SCARF2: variants seen among roughly 807,000 people sequenced by gnomAD.
The protein encoded by SCARF2 is scavenger receptor class F member 2, also known as scavenger receptor expressed by endothelial cells 2 protein.
SCARF2 carries 39 observed loss-of-function variants against 73.4 expected under a neutral mutation model. That is an observed-to-expected ratio of 0.53 (90% CI 0.41 to 0.69). The LOEUF is 0.69. SCARF2 is among the 30% of genes least tolerant of loss of function. The probability of loss-of-function intolerance (pLI) is 0.00; values close to 1 mark genes in which losing one functional copy is unlikely to be tolerated. For synonymous variants in SCARF2, 605 were observed against 590.0 expected, an observed-to-expected ratio of 1.03 and a Z score of -0.37; for missense variants, 1,148 against 1,303.5, an observed-to-expected ratio of 0.88 and a Z score of 1.84.
At position 20,429,406 on chromosome 22, in the gene SCARF2, G is replaced by A. The variant is rs1246227170; in HGVS notation, c.1425-66C>T. The A allele has an allele frequency of 6.4e-7, 1 of 1,556,258 alleles. No homozygotes were observed. The highest frequency in any genetic ancestry group is 1.2e-5 in the South Asian group (1 of 85,854). On this transcript the variant is annotated intron_variant, in intron 8 of 10. Coordinates refer to ENST00000622235, the MANE Select transcript of SCARF2 (RefSeq NM_182895.5). This position sits in a 1 kb window ranked among gnomAD's most constrained non-coding sequence, Gnocchi z 5.2. ...GGGGCCCAGGGGCGATTAGATCTCGGCCGGAGCCAAGCACAGAAGGGGCGG... is the reference window on the plus strand; with the variant it reads ...GGGGCCCAGGGGCGATTAGATCTCGACCGGAGCCAAGCACAGAAGGGGCGG...
chr22:20,431,663 C>T lies in SCARF2; in HGVS notation c.334+82G>A, dbSNP rs1601301720. 2.6e-6 allele frequency: 4 copies of T among 1,532,892 alleles called. No homozygotes were observed. In the East Asian group the frequency reaches 9.8e-5, roughly 38 times the overall value. 95.0% of individuals were successfully genotyped at this position (1,532,892 alleles called of 1,614,324 possible). ...TGGGGACCCGCCCCGAAGGCGGATCCGACCCCGCCCCACCTTGGACCCCGC... is the reference window on the plus strand; with the variant it reads ...TGGGGACCCGCCCCGAAGGCGGATCTGACCCCGCCCCACCTTGGACCCCGC... On this transcript the variant is annotated intron_variant, in intron 3 of 10. Transcript: ENST00000622235.
Position 20,425,455 on chromosome 22 carries a change from T to A in SCARF2, c.2521A>T (p.Thr841Ser). The A allele has an allele frequency of 7.1e-7, 1 of 1,414,052 alleles. No individual in the cohort carries two copies. The highest frequency in any genetic ancestry group is 2.5e-5 in the Admixed American group (1 of 39,230). The allele number at this position is 1,414,052 out of a possible 1,614,324, so 87.6% of individuals were successfully genotyped here. A position where few individuals can be genotyped will look rare whatever the true frequency, so the allele number is the denominator to read the frequency against. Residue 841 changes from threonine to serine, a missense_variant, in exon 11 of 11, where the codon ACC (threonine) becomes TCC (serine). Coordinates refer to ENST00000622235, the MANE Select transcript of SCARF2 (RefSeq NM_182895.5). This position sits in a 1 kb window ranked among gnomAD's most constrained non-coding sequence, Gnocchi z 4.6. ...LPAPETPRKK[T>S]PIQKPPRKKS... Reference sequence around the variant, plus strand: ...TTGCGCGGCGGCTTCTGGATGGGGGTCTTCTTCCGGGGGGTCTCAGGCGCG... The same window carrying A: ...TTGCGCGGCGGCTTCTGGATGGGGGACTTCTTCCGGGGGGTCTCAGGCGCG...
At position 20,426,949 on chromosome 22, in the gene SCARF2, G is replaced by T. The variant is rs531751662; in HGVS notation, c.1693+449C>A. Among the ~76,000 whole-genome samples, 6 of 151,282 alleles carry T rather than the reference G, an allele frequency of 4.0e-5. No homozygotes were observed. In the South Asian group the frequency reaches 1.3e-3, roughly 32 times the overall value. On this transcript the variant is annotated intron_variant, in intron 10 of 10. Transcript: ENST00000622235. ...CTCAAAAAAAAAAAAAGAGCGATAAGGCTTCTGAGGCTCTGAGTTGGTCAC... is the reference window on the plus strand; with the variant it reads ...CTCAAAAAAAAAAAAAGAGCGATAATGCTTCTGAGGCTCTGAGTTGGTCAC...
rs35216297 is a variant in SCARF2, at chr22:20,429,815, C to T, written c.1221G>A (p.Pro407=). 3 of 1,612,958 alleles carry T rather than the reference C, an allele frequency of 1.9e-6. No homozygotes were observed. Among genetic ancestry groups the T allele is most frequent in the South Asian group, 1.1e-5 (1 of 91,064 alleles). The change falls in exon 7 of 11, where the codon CCG becomes CCA. Residue 407 remains proline, a synonymous_variant. Transcript: ENST00000622235. This position sits in a 1 kb window ranked among gnomAD's most constrained non-coding sequence, Gnocchi z 5.2. ...CACAGTCCGCGCCGTGGAGTCCGGG[C>T]GGGCACGTCACGTTACAGCTGCCGG... ...VHGPHCNVTC[P]PGLHGADCAQ...
chr22:20,425,897 G>A lies in SCARF2; in HGVS notation c.2079C>T (p.Ser693=). 1 of 1,598,436 alleles carries A rather than the reference G, an allele frequency of 6.3e-7. No homozygotes were observed. Among genetic ancestry groups the A allele is most frequent in the African/African-American group, 1.4e-5 (1 of 73,144 alleles). Reference sequence around the variant, plus strand: ...TGGGCGTCCGTTTCCTCTTGCTGGGGCTGGGCGCGGCCTCGGAGCCTGGCG... The same window carrying A: ...TGGGCGTCCGTTTCCTCTTGCTGGGACTGGGCGCGGCCTCGGAGCCTGGCG... ...PPPPGSEAAP[S]PSKRKRTPSD... Residue 693 remains serine, a synonymous_variant, in exon 11 of 11, where the codon AGC becomes AGT. Coordinates refer to ENST00000622235, the MANE Select transcript of SCARF2 (RefSeq NM_182895.5). This position sits in a 1 kb window ranked among gnomAD's most constrained non-coding sequence, Gnocchi z 4.6.
chr22:20,425,598 G>C lies in SCARF2; in HGVS notation c.2378C>G (p.Pro793Arg). The change falls in exon 11 of 11, where the codon CCC (proline) becomes CGC (arginine). Residue 793 changes from proline to arginine, a missense_variant. Physicochemically the swap from Pro to Arg is moderately radical, Grantham distance 103. Transcript: ENST00000622235. The surrounding 1 kb of genome is among the most constrained non-coding windows in gnomAD (Gnocchi z 4.6). ...CTGTGGGGGCGCCGGCTTTTCCCTG[G>C]GGCCCTGCGCGCCCAGGGCCACCTC... ...RAEVALGAQG[P>R]REKPAPPQKA... is the part of the protein sequence containing the mutation. 2 of 1,336,482 alleles carry C rather than the reference G, an allele frequency of 1.5e-6. No homozygotes were observed. The highest frequency in any genetic ancestry group is 1.9e-6 in the Non-Finnish European group (2 of 1,047,154). 82.8% of individuals were successfully genotyped at this position (1,336,482 alleles called of 1,614,324 possible).
Position 20,430,441 on chromosome 22 carries a change from A to G in SCARF2, c.1190T>C (p.Val397Ala). ...QSGRCLCSPG[V>A]HGPHCNVTCP... Reference sequence around the variant, plus strand: ...CCGGGGCACTCACTGGGGCCCGTGGACGCCAGGGCTGCACAGGCAGCGCCC... The same window carrying G: ...CCGGGGCACTCACTGGGGCCCGTGGGCGCCAGGGCTGCACAGGCAGCGCCC... The change falls in exon 6 of 11, where the codon GTC (valine) becomes GCC (alanine). Residue 397 changes from valine (V) to alanine (A), a missense_variant. Coordinates refer to ENST00000622235, the MANE Select transcript of SCARF2 (RefSeq NM_182895.5). 1 of 1,590,198 alleles carries G rather than the reference A, an allele frequency of 6.3e-7. No homozygotes were observed. Among genetic ancestry groups the G allele is most frequent in the South Asian group, 1.1e-5 (1 of 88,174 alleles).
chr22:20,435,539 T>A (rs1190078467), intron 1 of SCARF2, among the ~76,000 whole-genome samples: 3 of 152,152 alleles, frequency 2.0e-5, no homozygotes, highest in African/African-American at 7.2e-5. Context: ...CTGCCCACCC[T>A]CACTCTCTGG....
chr22:20,436,434 TCCG>T (rs1364904419), intron 1 of SCARF2, among the ~76,000 whole-genome samples: 1 of 150,670 alleles, frequency 6.6e-6, no homozygotes, highest in Non-Finnish European at 1.5e-5. Context: ...GGCCCGGGAG[TCCG>T]CGGCGGCGGC....
At position 20,437,603 on chromosome 22, in the gene SCARF2, C is replaced by T; in HGVS notation, c.152G>A (p.Arg51His). Residue 51 changes from arginine (R) to histidine (H), a missense_variant, in exon 1 of 11, where the codon CGC (arginine) becomes CAC (histidine). Around this residue, in one of 5 missense-constraint regions of SCARF2, gnomAD observed 124 missense variants for 120.4 expected, o/e 1.03. Transcript: ENST00000622235. Reference sequence around the variant, plus strand: ...CTACCCGGGAGCACGGCACACGTTGCGGCCGCGAGGGTTCAGTTCCTGAGG... The same window carrying T: ...CTACCCGGGAGCACGGCACACGTTGTGGCCGCGAGGGTTCAGTTCCTGAGG... Reference protein sequence around the residue: ...VAPQELNPRGRNVCRAPGSQV... With the variant: ...VAPQELNPRGHNVCRAPGSQV... 1 of 1,572,588 alleles carries T rather than the reference C, an allele frequency of 6.4e-7. No individual in the cohort carries two copies. The highest frequency in any genetic ancestry group is 2.3e-5 in the East Asian group (1 of 42,784).
At chr22:20,435,709 C>T (rs1569112518) in intron 1 of SCARF2, among the ~76,000 whole-genome samples, 1 of 152,214 alleles carries the variant, frequency 6.6e-6, no homozygotes, top group South Asian at 2.1e-4. Flanking sequence ...AGCCGTTCTC[C>T]TCAGAACACC....
At chr22:20,433,632 G>C (rs1314445060) in intron 1 of SCARF2, among the ~76,000 whole-genome samples, 1 of 152,228 alleles carries the variant, frequency 6.6e-6, no homozygotes, top group African/African-American at 2.4e-5. Flanking sequence ...CCAAAGATGG[G>C]ACCTGGCGAA....
chr22:20,427,260 GCAAC>G, intron 10 of SCARF2, 134 bp downstream of exon 10: 5 of 1,073,398 alleles, frequency 4.7e-6, no homozygotes, highest in Non-Finnish European at 6.9e-6. Flanking sequence ...AGCTCTGTGG[GCAAC>G]CCTCAGGTAC....
At chr22:20,436,288 G>C (rs958565259) in intron 1 of SCARF2, among the ~76,000 whole-genome samples, 1 of 152,166 alleles carries the variant, frequency 6.6e-6, no homozygotes, top group African/African-American at 2.4e-5. Context: ...GCCTGGCACC[G>C]GACCCCCATT....
chr22:20,433,582 G>C (rs149856808), intron 1 of SCARF2, among the ~76,000 whole-genome samples: 12 of 152,308 alleles, frequency 7.9e-5, no homozygotes, highest in African/African-American at 2.9e-4. Context: ...CCTAGGCCTC[G>C]AGGCCCCTCC....
chr22:20,425,946 G>T lies in SCARF2; in HGVS notation c.2030C>A (p.Ala677Asp). ...WIHGKHSAAA[A>D]GRAPSPPPPG... ...CGGCGGTGGTGAGGGCGCACGGCCA[G>T]CTGCAGCGGCGCTGTGCTTGCCGTG... is the stretch of plus-strand genomic sequence containing the variant. The change falls in exon 11 of 11, where the codon GCT becomes GAT. Residue 677 changes from alanine to aspartate, a missense_variant. Transcript: ENST00000622235. The surrounding 1 kb of genome is among the most constrained non-coding windows in gnomAD (Gnocchi z 4.6). 1 of 1,594,664 alleles carries T rather than the reference G, an allele frequency of 6.3e-7. No individual in the cohort carries two copies.
At chr22:20,426,350 C>A in intron 10 of SCARF2, 68 bp from the exon 11 acceptor site, 1 of 1,502,122 alleles carries the variant, frequency 6.7e-7, no homozygotes, top group Non-Finnish European at 8.9e-7. Flanking sequence ...CCTCCAGGCG[C>A]AAACCTTCAC....
rs2052600311 is a variant in SCARF2 at position 20,428,151 on chromosome 22, G to A, written c.1541-601C>T. ...GATGCCATGCTGCTAGGTGGGCCAAGGGGTTTTCTCTCTCTTGCTTGCTTG... is the reference window on the plus strand; with the variant it reads ...GATGCCATGCTGCTAGGTGGGCCAAAGGGTTTTCTCTCTCTTGCTTGCTTG... On this transcript the variant is annotated intron_variant, in intron 9 of 10. Coordinates refer to ENST00000622235, the MANE Select transcript of SCARF2 (RefSeq NM_182895.5). Among the ~76,000 whole-genome samples, 3 of 152,154 alleles carry A rather than the reference G, an allele frequency of 2.0e-5. No individual in the cohort carries two copies. In the South Asian group the frequency reaches 6.2e-4, roughly 32 times the overall value.
Position 20,427,394 on chromosome 22 carries a change from T to TTAC in SCARF2, c.1693+1_1693+3dup. On this transcript the variant is annotated splice_donor_region_variant and intron_variant, in intron 10 of 10. Coordinates refer to ENST00000622235, the MANE Select transcript of SCARF2 (RefSeq NM_182895.5). ...GAGTGATGCCCAGGTAGGGCCTTAC[T>TTAC]TACCCTCATGGGGTACACAGTACAC... 6.2e-7 allele frequency: 1 copy of TTAC among 1,614,096 alleles called. No homozygotes were observed. Among genetic ancestry groups the TTAC allele is most frequent in the South Asian group, 1.1e-5 (1 of 91,076 alleles).
Sources: allele counts gnomAD v4.1 joint callset (sites outside exome capture counted in the v4.1 genomes callset), GRCh38; gene constraint gnomAD v4.1.1; regional missense constraint gnomAD v4.1.1; non-coding constraint Gnocchi (gnomAD v3.1); transcripts MANE v1.5; gene names NCBI Gene and HGNC (gene_info 2026-07-23, HGNC 2026-07-21).